Variants in GEMIN5 observed in about 807,000 individuals in gnomAD.
GEMIN5 encodes the protein gem nuclear organelle associated protein 5, also known as gem-associated protein 5.
In GEMIN5, 124 loss-of-function variants were observed where a neutral mutation model predicts 176.9. That is an observed-to-expected ratio of 0.70 (90% CI 0.61 to 0.81). The LOEUF (loss-of-function observed/expected upper bound fraction) is 0.81, where lower values mean the gene tolerates loss of function less well. GEMIN5 is among the 40% of genes least tolerant of loss of function. GEMIN5 has a pLI of 0.00. For synonymous variants in GEMIN5, 673 were observed against 665.2 expected, an observed-to-expected ratio of 1.01 and a Z score of -0.18; for missense variants, 1,843 against 1,814.6, an observed-to-expected ratio of 1.02 and a Z score of -0.28.
At chr5:154,894,804 G>A (rs1763313811) in intron 24 of GEMIN5, among the ~76,000 whole-genome samples, 1 of 152,164 alleles carries the variant, frequency 6.6e-6, no homozygotes, top group Non-Finnish European at 1.5e-5. Context: ...CTACCCGGGA[G>A]GCTGAGGCAA....
At chr5:154,907,445 T>G in intron 16 of GEMIN5, 146 bp downstream of exon 16, 1 of 350,400 alleles carries the variant, frequency 2.9e-6, no homozygotes, top group Non-Finnish European at 4.9e-6. Flanking sequence ...TTTAGAGACT[T>G]GAATAAAGCT....
At position 154,924,688 on chromosome 5, in the gene GEMIN5, A is replaced by C. The variant is rs141928097; in HGVS notation, c.1294-134T>G. 7.8e-4 allele frequency: 503 copies of C among 643,954 alleles called. 5 individuals carry two copies. The East Asian group carries it at 0.013, about 17-fold the overall frequency. 39.9% of individuals were successfully genotyped at this position (643,954 alleles called of 1,614,324 possible). On this transcript the variant is annotated intron_variant, in intron 8 of 27. Transcript: ENST00000285873. ...TTTCTTCATTATTTAAAGGAGAAAA[A>C]GGGTATTAAAAACAAAGTCGGCCGG...
chr5:154,912,880 G>C lies in GEMIN5; in HGVS notation c.1995+19C>G. ...GAGTACACAGTGAAGGACCCACAGG[G>C]ACAAGGACACAATAGTACCTGGGCT... On this transcript the variant is annotated intron_variant, in intron 14 of 27. Coordinates refer to ENST00000285873, the MANE Select transcript of GEMIN5 (RefSeq NM_015465.5). 1.2e-6 allele frequency: 2 copies of C among 1,606,062 alleles called. No individual in the cohort carries two copies. Among genetic ancestry groups the C allele is most frequent in the Non-Finnish European group, 8.5e-7 (1 of 1,175,104 alleles).
intron 23 of GEMIN5, among the ~76,000 whole-genome samples, chr5:154,897,228 G>A (rs900239346): frequency 4.6e-5 from 7 of 152,052 alleles, no homozygotes; most frequent in African/African-American, 9.7e-5. Context: ...CATGTACCAC[G>A]TTCCTTGGGC....
chr5:154,907,969 T>A, intron 15 of GEMIN5, 151 bp from the exon 16 acceptor site: 1 of 630,800 alleles, frequency 1.6e-6, no homozygotes, highest in Admixed American at 2.9e-5. Flanking sequence ...ATTATCACAA[T>A]ATTAACCAAA....
Position 154,898,620 on chromosome 5 carries a change from T to C in GEMIN5, c.3165A>G (p.Ala1055=), listed in dbSNP as rs750809870. ...CYLGATCAYD[A]AKVLAKKGDA... The stretch of plus-strand genomic sequence containing the variant: ...CCCCCTTTTTGGCCAAAACTTTGGC[T>C]GCATCATAAGCACAAGTGGCCCCTA... The change falls in exon 23 of 28, where the codon GCA becomes GCG. Residue 1055 remains alanine, a synonymous_variant. Transcript: ENST00000285873. The C allele has an allele frequency of 6.2e-7, 1 of 1,614,010 alleles. No individual in the cohort carries two copies.
chr5:154,896,059 G>A, intron 24 of GEMIN5, 33 bp downstream of exon 24: 2 of 1,607,672 alleles, frequency 1.2e-6, no homozygotes, highest in Non-Finnish European at 1.7e-6. Context: ...ACCACTGAGT[G>A]ATTAATGTCA....
chr5:154,933,598 C>G (rs1764208154), intron 3 of GEMIN5, among the ~76,000 whole-genome samples: 1 of 152,160 alleles, frequency 6.6e-6, no homozygotes, highest in South Asian at 2.1e-4. Flanking sequence ...AAGTACAAAA[C>G]TGCATTATAC....
rs1207956376 is a variant in GEMIN5, at chr5:154,896,201, A to C, written c.3488T>G (p.Val1163Gly). 2 of 1,613,736 alleles carry C rather than the reference A, an allele frequency of 1.2e-6. No individual in the cohort carries two copies. ...GTCAAGGCTGAAGATGCTCTTCCAC[A>C]CTGCAGTCACCCTCTCCACGAAAGG... ...EGPFVERVTA[V>G]WKSIFSLDTP... Residue 1163 changes from valine (V) to glycine (G), a missense_variant, in exon 24 of 28, where the codon GTG becomes GGG. Physicochemically the swap from Val to Gly is moderately radical, Grantham distance 109. Transcript: ENST00000285873.
intron 10 of GEMIN5, among the ~76,000 whole-genome samples, chr5:154,920,425 C>T (rs937006362): frequency 4.6e-5 from 7 of 152,160 alleles, no homozygotes; most frequent in African/African-American, 1.7e-4. Flanking sequence ...TCAAAAGCTT[C>T]TGAGAATTTG....
In GEMIN5 at chr5:154,924,712, G is replaced by A. The variant is rs188420129; in HGVS notation, c.1294-158C>T. ...AAGGGTATTAAAAACAAAGTCGGCC[G>A]GGCGCAGTGGCTCACGCCTGTAATC... On this transcript the variant is annotated intron_variant, in intron 8 of 27. Coordinates refer to ENST00000285873, the MANE Select transcript of GEMIN5 (RefSeq NM_015465.5). Among the ~76,000 whole-genome samples the A allele has an allele frequency of 1.8e-4, 28 of 152,300 alleles. No homozygotes were observed. In the South Asian group the frequency reaches 5.2e-3, roughly 28 times the overall value.
chr5:154,911,649 T>C (rs1763701628), intron 15 of GEMIN5, 78 bp downstream of exon 15: 3 of 1,284,164 alleles, frequency 2.3e-6, no homozygotes, highest in African/African-American at 2.9e-5. Flanking sequence ...CACGAATGTC[T>C]TCCTTGCTCA....
rs754195510 is a variant in GEMIN5 at position 154,924,567 on chromosome 5, G to C, written c.1294-13C>G. On this transcript the variant is annotated splice_polypyrimidine_tract_variant and intron_variant, in intron 8 of 27. Coordinates refer to ENST00000285873, the MANE Select transcript of GEMIN5 (RefSeq NM_015465.5). The stretch of plus-strand genomic sequence containing the variant: ...GGTGCCAGCACAGCTACAAAAAAAA[G>C]AGTTTCCAAGTGAGAATATAAGAAG... The C allele has an allele frequency of 1.0e-5, 16 of 1,559,334 alleles. No individual in the cohort carries two copies. The highest frequency in any genetic ancestry group is 1.4e-5 in the Non-Finnish European group (16 of 1,132,036).
At position 154,903,127 on chromosome 5, in the gene GEMIN5, C is replaced by A; in HGVS notation, c.2681G>T (p.Gly894Val). 1 of 1,613,142 alleles carries A rather than the reference C, an allele frequency of 6.2e-7. No individual in the cohort carries two copies. Among genetic ancestry groups the A allele is most frequent in the Non-Finnish European group, 8.5e-7 (1 of 1,179,284 alleles). Reference protein sequence around the residue: ...SADVEERFHLGLFTDRATLYR... With the variant: ...SADVEERFHLVLFTDRATLYR... ...CAGGGTAGCCCTGTCTGTGAAAAGCCCCAGATGAAATCTTTCCTCAACATC... is the reference window on the plus strand; with the variant it reads ...CAGGGTAGCCCTGTCTGTGAAAAGCACCAGATGAAATCTTTCCTCAACATC... Residue 894 changes from glycine (G) to valine (V), a missense_variant, in exon 19 of 28, where the codon GGG (glycine) becomes GTG (valine). Transcript: ENST00000285873.
intron 21 of GEMIN5, among the ~76,000 whole-genome samples, 189 bp downstream of exon 21, chr5:154,901,150 A>T (rs1181809624): frequency 3.9e-5 from 6 of 151,982 alleles, no homozygotes; most frequent in Non-Finnish European, 5.9e-5. Context: ...ACACAGCAAG[A>T]CTCCGTCTCT....
intron 8 of GEMIN5, among the ~76,000 whole-genome samples, chr5:154,925,618 G>A (rs1366751014): frequency 6.6e-6 from 1 of 152,164 alleles, no homozygotes; most frequent in Non-Finnish European, 1.5e-5. Context: ...TGAATATACA[G>A]TCAGGCTATT....
chr5:154,914,884 A>G (rs1763781636), intron 13 of GEMIN5, among the ~76,000 whole-genome samples: 1 of 152,162 alleles, frequency 6.6e-6, no homozygotes, highest in African/African-American at 2.4e-5. Context: ...AATAAAGCCA[A>G]TATGACAACA....
At position 154,920,109 on chromosome 5, in the gene GEMIN5, T is replaced by C. The variant is rs772122855; in HGVS notation, c.1463-6A>G. 14 of 1,605,088 alleles carry C rather than the reference T, an allele frequency of 8.7e-6. No homozygotes were observed. Among genetic ancestry groups the C allele is most frequent in the Middle Eastern group, 1.7e-4 (1 of 6,034 alleles). ...AGGTCTGTCTCCTTCTCCTCCTGTA[T>C]GAAATAAGAAAAGAAACTTATCAGT... On this transcript the variant is annotated splice_region_variant and splice_polypyrimidine_tract_variant and intron_variant, in intron 10 of 27. Coordinates refer to ENST00000285873, the MANE Select transcript of GEMIN5 (RefSeq NM_015465.5).
At chr5:154,936,260 T>TA (rs1330261106) in intron 2 of GEMIN5, among the ~76,000 whole-genome samples, 1 of 151,950 alleles carries the variant, frequency 6.6e-6, no homozygotes, top group Non-Finnish European at 1.5e-5. Context: ...GCTAAAAACA[T>TA]AAAAAAATTA....
Sources: gnomAD v4.1 joint callset for allele counts (sites outside exome capture counted in the v4.1 genomes callset) on GRCh38, gnomAD v4.1.1 for gene constraint, MANE v1.5 for transcripts, NCBI Gene and HGNC (gene_info 2026-07-23, HGNC 2026-07-21) for gene names.